Variants in RPGRIP1L observed in about 807,000 individuals in gnomAD.
RPGRIP1L encodes RPGRIP1 like.
In RPGRIP1L, 131 loss-of-function variants were observed where a neutral mutation model predicts 160.4. The ratio of observed to expected loss-of-function variants is 0.82; its 90% confidence interval spans 0.71 to 0.94. The LOEUF (loss-of-function observed/expected upper bound fraction) is 0.94, where lower values mean the gene tolerates loss of function less well. Among genes scored for constraint, RPGRIP1L ranks in the 40% least tolerant of loss-of-function variants. The pLI, the probability that RPGRIP1L is intolerant of heterozygous loss-of-function variation, is 0.00. For synonymous variants in RPGRIP1L, 510 were observed against 515.8 expected, an observed-to-expected ratio of 0.99 and a Z score of 0.15; for missense variants, 1,522 against 1,535.8, an observed-to-expected ratio of 0.99 and a Z score of 0.15.
chr16:53,682,019 T>C (rs1969649331), intron 6 of RPGRIP1L, among the ~76,000 whole-genome samples: 1 of 152,206 alleles, frequency 6.6e-6, no homozygotes, highest in Non-Finnish European at 1.5e-5. Context: ...TAGTTTTCCA[T>C]TAGTCTCAAA....
intron 25 of RPGRIP1L, 132 bp from the exon 26 acceptor site, chr16:53,605,746 T>C: frequency 1.1e-6 from 1 of 875,312 alleles, no homozygotes; most frequent in Non-Finnish European, 1.8e-6. Flanking sequence ...AAAAGAAAGG[T>C]ACACTAGGCT....
chr16:53,640,887 C>T (rs149618898), intron 19 of RPGRIP1L, 146 bp downstream of exon 19: 51 of 714,376 alleles, frequency 7.1e-5, no homozygotes, highest in East Asian at 1.9e-4. Context: ...TATATAGTGC[C>T]GAAACACAAA....
At chr16:53,655,431 G>C (rs1362017406) in intron 14 of RPGRIP1L, 1 of 151,776 alleles carries the variant, frequency 6.6e-6, no homozygotes, top group Non-Finnish European at 1.5e-5. Flanking sequence ...TTTTAAGAGT[G>C]TAAAATTACT....
chr16:53,677,227 T>C (rs531080596), intron 6 of RPGRIP1L, among the ~76,000 whole-genome samples: 46 of 152,200 alleles, frequency 3.0e-4, no homozygotes, highest in African/African-American at 1.1e-3. Flanking sequence ...GGCCAACAGG[T>C]AGGTATAAAT....
intron 3 of RPGRIP1L, chr16:53,693,225 G>T (rs571133822): frequency 6.6e-6 from 1 of 152,108 alleles, no homozygotes. Context: ...AAAATTGGTC[G>T]CACATCTTCA....
At chr16:53,698,392 G>C (rs1487722900) in intron 2 of RPGRIP1L, among the ~76,000 whole-genome samples, 1 of 142,128 alleles carries the variant, frequency 7.0e-6, no homozygotes, top group Non-Finnish European at 1.5e-5. Flanking sequence ...CGCCCGGCCA[G>C]CCGTCCTGTC....
chr16:53,657,148 G>A (rs533423734), intron 13 of RPGRIP1L, among the ~76,000 whole-genome samples: 7 of 152,062 alleles, frequency 4.6e-5, no homozygotes, highest in Non-Finnish European at 7.4e-5. Flanking sequence ...GCTGAGGCAA[G>A]AGAATCACTT....
At chr16:53,701,925 C>T (rs1454310562) in intron 1 of RPGRIP1L, 1 of 152,136 alleles carries the variant, frequency 6.6e-6, no homozygotes, top group African/African-American at 2.4e-5. Flanking sequence ...ACAGAAACAG[C>T]TAACAGACAA....
rs149464542 is a variant in RPGRIP1L at position 53,652,815 on chromosome 16, A to G, written c.1872T>C (p.Ser624=). ...VTFSSEVLQA[S]GDKEPVTFCT... is the part of the protein sequence containing the mutation. The stretch of plus-strand genomic sequence containing the variant: ...AGAAAGTGACAGGCTCTTTATCTCC[A>G]GATGCCTGTAAAACTTCAGAAGAAA... Residue 624 remains serine (S), a synonymous_variant, in exon 15 of 27, where the codon TCT becomes TCC. Transcript: ENST00000647211. 56 of 1,613,844 alleles carry G rather than the reference A, an allele frequency of 3.5e-5. No homozygotes were observed. The highest frequency in any genetic ancestry group is 1.1e-4 in the East Asian group (5 of 44,878).
At chr16:53,662,749 T>C (rs1967912955) in intron 10 of RPGRIP1L, among the ~76,000 whole-genome samples, 1 of 152,054 alleles carries the variant, frequency 6.6e-6, no homozygotes, top group Non-Finnish European at 1.5e-5. Context: ...CTTGCAAATC[T>C]GAGGTATTCA....
At chr16:53,616,174 G>A (rs1160523905) in intron 24 of RPGRIP1L, among the ~76,000 whole-genome samples, 1 of 152,108 alleles carries the variant, frequency 6.6e-6, no homozygotes, top group Non-Finnish European at 1.5e-5. Context: ...GAATTAAAAA[G>A]TCAGTTTGGA....
chr16:53,616,798 A>G (rs920256923), intron 24 of RPGRIP1L, among the ~76,000 whole-genome samples: 3 of 152,068 alleles, frequency 2.0e-5, no homozygotes, highest in Admixed American at 6.6e-5. Flanking sequence ...CAGGCTGGGC[A>G]TGGTGGCTCG....
At chr16:53,606,165 T>C (rs938673010) in intron 25 of RPGRIP1L, among the ~76,000 whole-genome samples, 1 of 152,252 alleles carries the variant, frequency 6.6e-6, no homozygotes, top group Non-Finnish European at 1.5e-5. Context: ...CTATATCAAA[T>C]GTTTGTATTA....
intron 9 of RPGRIP1L, among the ~76,000 whole-genome samples, chr16:53,670,635 T>C (rs1273327845): frequency 6.6e-6 from 1 of 152,162 alleles, no homozygotes; most frequent in Non-Finnish European, 1.5e-5. Context: ...CCCTTTAAAA[T>C]GTATCTTGAG....
intron 24 of RPGRIP1L, among the ~76,000 whole-genome samples, chr16:53,612,054 A>G (rs1024505549): frequency 6.6e-6 from 1 of 152,232 alleles, no homozygotes; most frequent in African/African-American, 2.4e-5. Flanking sequence ...ATTCCAAATT[A>G]TGATGCTATC....
intron 10 of RPGRIP1L, among the ~76,000 whole-genome samples, chr16:53,663,230 T>A (rs964457112): frequency 2.7e-5 from 4 of 148,798 alleles, no homozygotes; most frequent in African/African-American, 1.0e-4. Flanking sequence ...CTAAAAAAGA[T>A]GAGGAATAAA....
chr16:53,698,805 G>A (rs1299096232), intron 2 of RPGRIP1L, among the ~76,000 whole-genome samples: 1 of 151,304 alleles, frequency 6.6e-6, no homozygotes, highest in African/African-American at 2.4e-5. Context: ...GCCTCGTCCG[G>A]GAGGTGAGGG....
rs1297397315 is a variant in RPGRIP1L at position 53,601,986 on chromosome 16, T to C, written c.*90A>G. On this transcript the variant is annotated 3_prime_UTR_variant, in exon 27 of 27. Transcript: ENST00000647211. ...CCAGCTTCCCATGAATTATAGATTATATACACCAGAGTAATTACAAAAATC... is the reference window on the plus strand; with the variant it reads ...CCAGCTTCCCATGAATTATAGATTACATACACCAGAGTAATTACAAAAATC... 1.1e-5 allele frequency: 9 copies of C among 788,544 alleles called. No homozygotes were observed. The highest frequency in any genetic ancestry group is 2.5e-4 in the Middle Eastern group (1 of 4,032). 48.8% of individuals were successfully genotyped at this position (788,544 alleles called of 1,614,324 possible). A position where few individuals can be genotyped will look rare whatever the true frequency, so the allele number is the denominator to read the frequency against.
Position 53,649,061 on chromosome 16 carries a change from C to G in RPGRIP1L, c.2207G>C (p.Arg736Thr). 1.9e-6 allele frequency: 3 copies of G among 1,614,064 alleles called. No individual in the cohort carries two copies. The highest frequency in any genetic ancestry group is 1.7e-6 in the Non-Finnish European group (2 of 1,179,942). Residue 736 changes from arginine to threonine, a missense_variant, in exon 16 of 27, where the codon AGA becomes ACA. Transcript: ENST00000647211. Reference protein sequence around the residue: ...FGTVEYWFRLRVPMDQAIRLY... With the variant: ...FGTVEYWFRLTVPMDQAIRLY... ...TCGAATTGCTTGATCCATGGGAACT[C>G]TTAATCGGAACCAGTATTCCACTGT...
Sources: gnomAD v4.1 joint callset for allele counts (sites outside exome capture counted in the v4.1 genomes callset) on GRCh38, gnomAD v4.1.1 for gene constraint, MANE v1.5 for transcripts, NCBI Gene and HGNC (gene_info 2026-07-23, HGNC 2026-07-21) for gene names.